The following ATP13A4 variants were observed in gnomAD, a reference collection of about 807,000 sequenced individuals.
The protein encoded by ATP13A4 is probable cation-transporting ATPase 13A4.
ATP13A4 carries 114 observed loss-of-function variants against 142.5 expected under a neutral mutation model. The ratio of observed to expected loss-of-function variants is 0.80; its 90% confidence interval spans 0.69 to 0.93. ATP13A4 has a LOEUF of 0.93. Among genes scored for constraint, ATP13A4 ranks in the 40% least tolerant of loss-of-function variants. The pLI is 0.00. For missense variants in ATP13A4, 1,392 were observed against 1,454.0 expected, an observed-to-expected ratio of 0.96 and a Z score of 0.69; for synonymous variants, 488 against 514.8, an observed-to-expected ratio of 0.95 and a Z score of 0.70.
intron 24 of ATP13A4, 94 bp from the exon 25 acceptor site, chr3:193,434,011 T>G: frequency 9.5e-7 from 1 of 1,051,994 alleles, no homozygotes; most frequent in South Asian, 1.3e-5. Context: ...GACATAGGGT[T>G]TTTCAAGTAA....
intron 11 of ATP13A4, 22 bp from the exon 12 acceptor site, chr3:193,465,150 A>G (rs769501546): frequency 1.2e-6 from 2 of 1,610,892 alleles, no homozygotes; most frequent in Non-Finnish European, 1.7e-6. Context: ...TCATTCTTTA[A>G]TTATTACAGA....
chr3:193,551,240 C>G (rs1255282561), intron 1 of ATP13A4, among the ~76,000 whole-genome samples: 1 of 152,012 alleles, frequency 6.6e-6, no homozygotes, highest in Non-Finnish European at 1.5e-5. Context: ...GGTGAAACAC[C>G]ATCTCTTCTA....
chr3:193,454,076 C>T, intron 17 of ATP13A4, 25 bp downstream of exon 17: 1 of 1,567,382 alleles, frequency 6.4e-7, no homozygotes, highest in Middle Eastern at 1.7e-4. Flanking sequence ...AACCTTTCTG[C>T]TTTATCAAAA....
chr3:193,548,144 C>G (rs1004117671), intron 1 of ATP13A4, among the ~76,000 whole-genome samples: 8 of 152,138 alleles, frequency 5.3e-5, no homozygotes, highest in African/African-American at 1.9e-4. Context: ...AATCCTGAGA[C>G]TATTGACCAT....
intron 1 of ATP13A4, among the ~76,000 whole-genome samples, chr3:193,592,341 C>G (rs1399012976): frequency 1.3e-5 from 2 of 151,982 alleles, no homozygotes; most frequent in Non-Finnish European, 2.9e-5. Context: ...AGGAGAGGAG[C>G]TCAAGATGGC....
In ATP13A4 at chr3:193,493,170, A is replaced by G. The variant is rs757722558; in HGVS notation, c.382-10T>C. ...CTTTGATGCATCTCACCTGCAAAAG[A>G]AAAGTACTAAGAAAACCTCTAGTTT... On this transcript the variant is annotated splice_polypyrimidine_tract_variant and intron_variant, in intron 3 of 29. Transcript: ENST00000342695. 43 of 1,610,550 alleles carry G rather than the reference A, an allele frequency of 2.7e-5. No individual in the cohort carries two copies. Among genetic ancestry groups the G allele is most frequent in the Non-Finnish European group, 3.6e-5 (43 of 1,178,532 alleles).
intron 1 of ATP13A4, 88 bp downstream of exon 1, chr3:193,554,652 G>T: frequency 7.6e-7 from 1 of 1,314,768 alleles, no homozygotes; most frequent in South Asian, 1.2e-5. Flanking sequence ...TGTGATGCGT[G>T]CGTGTGTGTG....
intron 1 of ATP13A4, among the ~76,000 whole-genome samples, chr3:193,550,439 T>C (rs1723487729): frequency 6.6e-6 from 1 of 151,916 alleles, no homozygotes; most frequent in African/African-American, 2.4e-5. Context: ...CTCAAGTAGC[T>C]GGGACTACAG....
At chr3:193,465,413 C>T (rs1343581045) in intron 11 of ATP13A4, among the ~76,000 whole-genome samples, 1 of 152,162 alleles carries the variant, frequency 6.6e-6, no homozygotes, top group Non-Finnish European at 1.5e-5. Flanking sequence ...GTCTTGAACT[C>T]CTGACTTCAG....
chr3:193,457,994 A>C (rs904022678), intron 14 of ATP13A4, among the ~76,000 whole-genome samples: 2 of 152,222 alleles, frequency 1.3e-5, no homozygotes, highest in African/African-American at 4.8e-5. Context: ...CAAAGACAAC[A>C]CAGTGCTTTG....
chr3:193,520,035 A>T (rs74889119), intron 1 of ATP13A4, among the ~76,000 whole-genome samples: 91 of 152,198 alleles, frequency 6.0e-4, no homozygotes, highest in African/African-American at 2.1e-3. Context: ...GGATCAATTC[A>T]AGTTTTTTCC....
chr3:193,422,673 T>A (rs1262540167), intron 25 of ATP13A4, among the ~76,000 whole-genome samples: 1 of 149,480 alleles, frequency 6.7e-6, no homozygotes, highest in East Asian at 2.1e-4. Flanking sequence ...AAAAAATTTT[T>A]AGAGAAAAAT....
chr3:193,430,415 C>A (rs990045459), intron 25 of ATP13A4, among the ~76,000 whole-genome samples: 1 of 152,064 alleles, frequency 6.6e-6, no homozygotes, highest in African/African-American at 2.4e-5. Context: ...TCTCATGAAA[C>A]ACACATTCTG....
intron 17 of ATP13A4, among the ~76,000 whole-genome samples, chr3:193,453,416 A>C (rs1027012101): frequency 3.3e-5 from 5 of 152,206 alleles, no homozygotes; most frequent in African/African-American, 1.2e-4. Context: ...GGCTGACATT[A>C]AGTGTTAGAA....
chr3:193,456,612 G>A (rs977164018), intron 16 of ATP13A4, among the ~76,000 whole-genome samples: 2 of 152,108 alleles, frequency 1.3e-5, no homozygotes, highest in Non-Finnish European at 2.9e-5. Context: ...CAGTACAGAG[G>A]GCAAATCAAA....
intron 16 of ATP13A4, 93 bp from the exon 17 acceptor site, chr3:193,454,305 GA>G: frequency 1.1e-6 from 1 of 886,722 alleles, no homozygotes; most frequent in Non-Finnish European, 1.8e-6. Context: ...TTTTGCCCAA[GA>G]AAACACACTT....
intron 18 of ATP13A4, 75 bp downstream of exon 18, chr3:193,448,131 A>G (rs571765869): frequency 6.3e-7 from 1 of 1,593,372 alleles, no homozygotes; most frequent in African/African-American, 1.3e-5. Context: ...AGTCAACAAC[A>G]TTTATTAAAT....
chr3:193,483,122 C>G (rs570739748), intron 8 of ATP13A4, among the ~76,000 whole-genome samples: 1 of 151,934 alleles, frequency 6.6e-6, no homozygotes, highest in South Asian at 2.1e-4. Flanking sequence ...GAACTTTGAT[C>G]CCCCCCAAAA....
intron 3 of ATP13A4, among the ~76,000 whole-genome samples, chr3:193,501,505 T>C (rs1720536789): frequency 6.6e-6 from 1 of 151,630 alleles, no homozygotes; most frequent in Non-Finnish European, 1.5e-5. Flanking sequence ...GGAGAATTGC[T>C]TGAACCCGGG....
Sources: allele counts gnomAD v4.1 joint callset (sites outside exome capture counted in the v4.1 genomes callset), GRCh38; gene constraint gnomAD v4.1.1; transcripts MANE v1.5; gene names NCBI Gene and HGNC (gene_info 2026-07-23, HGNC 2026-07-21).